GRM8: variants seen among roughly 807,000 people sequenced by gnomAD.
The protein encoded by GRM8 is metabotropic glutamate receptor 8.
Under a neutral mutation model 87.2 loss-of-function variants are expected in GRM8, and 47 were observed. The ratio of observed to expected loss-of-function variants is 0.54; its 90% CI spans 0.43 to 0.69. The LOEUF (loss-of-function observed/expected upper bound fraction) is 0.69. Among genes scored for constraint, GRM8 ranks in the 30% least tolerant of loss-of-function variants. The pLI is 0.00. For synonymous variants in GRM8, 396 were observed against 404.5 expected (o/e 0.98, Z 0.25); for missense variants, 1,019 against 1,139.2 (o/e 0.89, Z 1.52).
At chr7:127,150,017 G>T (rs1170753795) in intron 2 of GRM8, among the ~76,000 whole-genome samples, 3 of 152,008 alleles carry the variant, frequency 2.0e-5, no homozygotes, top group African/African-American at 7.2e-5. Flanking sequence ...CATGCTAAAT[G>T]AGTGCTCTCA....
At chr7:126,817,096 T>C (rs1793858345) in intron 6 of GRM8, among the ~76,000 whole-genome samples, 1 of 152,168 alleles carries the variant, frequency 6.6e-6, no homozygotes. Context: ...CATTGATTTA[T>C]ATACACTTCA....
At chr7:126,720,852 T>C (rs1226320677) in intron 7 of GRM8, among the ~76,000 whole-genome samples, 1 of 152,220 alleles carries the variant, frequency 6.6e-6, no homozygotes, top group Non-Finnish European at 1.5e-5. Flanking sequence ...AGAATTTTCA[T>C]TGGCATCTCT....
chr7:126,605,113 A>T (rs1380415024), intron 8 of GRM8, among the ~76,000 whole-genome samples: 1 of 152,194 alleles, frequency 6.6e-6, no homozygotes, highest in African/African-American at 2.4e-5. Flanking sequence ...CCCATACAGC[A>T]TCCCCAGTAC....
chr7:126,861,299 T>C (rs952969918), intron 6 of GRM8, among the ~76,000 whole-genome samples: 1 of 152,140 alleles, frequency 6.6e-6, no homozygotes, highest in Non-Finnish European at 1.5e-5. Flanking sequence ...ATATAGTGCA[T>C]TTATTTTAAC....
chr7:127,051,334 C>G (rs1819448085), intron 3 of GRM8, among the ~76,000 whole-genome samples: 1 of 65,070 alleles, frequency 1.5e-5, no homozygotes, highest in Non-Finnish European at 3.0e-5. Context: ...CCAACCTTTT[C>G]CCTTCGTGGC....
intron 7 of GRM8, among the ~76,000 whole-genome samples, chr7:126,739,882 A>G (rs1251316593): frequency 1.3e-5 from 2 of 152,076 alleles, no homozygotes; most frequent in East Asian, 3.9e-4. Flanking sequence ...AGTGTTCAGT[A>G]CAGTAACATG....
intron 3 of GRM8, among the ~76,000 whole-genome samples, chr7:126,926,580 G>A (rs1425796680): frequency 2.0e-5 from 3 of 152,310 alleles, no homozygotes; most frequent in Non-Finnish European, 4.4e-5. Flanking sequence ...GATGGTGAAC[G>A]CTACTTCTCT....
intron 2 of GRM8, among the ~76,000 whole-genome samples, chr7:127,213,373 T>A (rs1796335721): frequency 6.6e-6 from 1 of 152,184 alleles, no homozygotes; most frequent in African/African-American, 2.4e-5. Flanking sequence ...TTTGAAGACT[T>A]AGTATGACAT....
rs575954496 is a variant in GRM8 at position 126,472,702 on chromosome 7, C to T, written c.2431-26330G>A. 9.2e-5 allele frequency among the ~76,000 whole-genome samples: 14 copies of T among 152,272 alleles called. No individual in the cohort carries two copies. The South Asian group carries it at 1.0e-3, about 11-fold the overall frequency. The stretch of plus-strand genomic sequence containing the variant: ...CCACGACAATGGGGAAAATGTCTCC[C>T]GAGCATGTCAGAGGTCTTTATGGCA... On this transcript the variant is annotated intron_variant, in intron 9 of 10. Coordinates refer to ENST00000339582, the MANE Select transcript of GRM8 (RefSeq NM_000845.3).
At chr7:126,961,116 T>C (rs151222962) in intron 3 of GRM8, among the ~76,000 whole-genome samples, 2 of 152,334 alleles carry the variant, frequency 1.3e-5, no homozygotes, top group East Asian at 3.9e-4. Flanking sequence ...AAAACTCAAT[T>C]GATCTTAGTT....
intron 3 of GRM8, among the ~76,000 whole-genome samples, chr7:126,978,700 T>C (rs763495025): frequency 9.2e-4 from 140 of 152,206 alleles, no homozygotes; most frequent in Non-Finnish European, 1.5e-3. Flanking sequence ...GATTAGATGA[T>C]CTTTGAAAGT....
intron 6 of GRM8, among the ~76,000 whole-genome samples, chr7:126,784,464 C>A (rs1270951507): frequency 6.6e-6 from 1 of 152,132 alleles, no homozygotes; most frequent in African/African-American, 2.4e-5. Context: ...AAACTTATTT[C>A]TAACAAATCT....
intron 6 of GRM8, among the ~76,000 whole-genome samples, chr7:126,806,359 A>C (rs1245238806): frequency 6.6e-6 from 1 of 152,232 alleles, no homozygotes; most frequent in African/African-American, 2.4e-5. Flanking sequence ...ACAGCTCAGA[A>C]AGCTGGCACG....
chr7:126,959,843 C>G (rs1190869347), intron 3 of GRM8, among the ~76,000 whole-genome samples: 4 of 152,100 alleles, frequency 2.6e-5, no homozygotes, highest in Admixed American at 2.6e-4. Flanking sequence ...TAAGGCAAAA[C>G]CAGTTTCATC....
rs978209011 is a variant in GRM8 at position 127,153,605 on chromosome 7, C to T, written c.511-46893G>A. On this transcript the variant is annotated intron_variant, in intron 2 of 10. Coordinates refer to ENST00000339582, the MANE Select transcript of GRM8 (RefSeq NM_000845.3). ...GTAGAGCAAGTTAATTGGGAAATAG[C>T]GGATAATTAGGCAATTTGAAGTTGG... Among the ~76,000 whole-genome samples the T allele has an allele frequency of 5.3e-5, 8 of 152,050 alleles. No individual in the cohort carries two copies. The East Asian group carries it at 9.6e-4, about 18-fold the overall frequency.
chr7:127,114,635 GATGGTTTGCTACTA>G (rs1205042933), intron 2 of GRM8, among the ~76,000 whole-genome samples: 1 of 152,218 alleles, frequency 6.6e-6, no homozygotes. Flanking sequence ...ATAATTCAAA[GATGGTTTGCTACTA>G]ATGGTGAACC....
At chr7:127,069,808 T>C (rs543392258) in intron 3 of GRM8, among the ~76,000 whole-genome samples, 1 of 152,360 alleles carries the variant, frequency 6.6e-6, no homozygotes, top group African/African-American at 2.4e-5. Context: ...CCTAGTTTTG[T>C]AACCTCTCTG....
At chr7:127,084,101 A>G (rs1370941140) in intron 3 of GRM8, among the ~76,000 whole-genome samples, 3 of 152,242 alleles carry the variant, frequency 2.0e-5, no homozygotes, top group African/African-American at 7.2e-5. Context: ...TCATAATGTA[A>G]TACGGGGCTT....
At chr7:126,752,429 T>G (rs1816529611) in intron 7 of GRM8, among the ~76,000 whole-genome samples, 1 of 152,180 alleles carries the variant, frequency 6.6e-6, no homozygotes, top group Admixed American at 6.6e-5. Flanking sequence ...ACAAAATATT[T>G]TCAGTGTTCA....
Sources: allele counts gnomAD v4.1 joint callset (sites outside exome capture counted in the v4.1 genomes callset), GRCh38; gene constraint gnomAD v4.1.1; transcripts MANE v1.5; gene names NCBI Gene and HGNC (gene_info 2026-07-23, HGNC 2026-07-21).